The following CEP128 variants were observed in gnomAD, a reference collection of about 807,000 sequenced individuals.
The protein encoded by CEP128 is centrosomal protein 128kDa.
In CEP128, 132 loss-of-function variants were observed where a neutral mutation model predicts 156.7. That is an observed-to-expected ratio of 0.84 (90% confidence interval 0.73 to 0.97). The LOEUF is 0.97. Ranked by LOEUF, CEP128 falls within the 50% of genes least tolerant of loss-of-function variation. The pLI, the probability that CEP128 is intolerant of heterozygous loss-of-function variation, is 0.00. For synonymous variants in CEP128, 469 were observed against 448.9 expected, an observed-to-expected ratio of 1.04 and a Z score of -0.57; for missense variants, 1,252 against 1,281.9, an observed-to-expected ratio of 0.98 and a Z score of 0.36.
chr14:80,778,894 C>T (rs1288512616), intron 15 of CEP128, among the ~76,000 whole-genome samples: 1 of 152,144 alleles, frequency 6.6e-6, no homozygotes, highest in Non-Finnish European at 1.5e-5. Flanking sequence ...TCGTAACAAC[C>T]TGTGAGAATC....
intron 19 of CEP128, among the ~76,000 whole-genome samples, chr14:80,635,426 T>A (rs1254229583): frequency 6.6e-6 from 1 of 152,072 alleles, no homozygotes; most frequent in African/African-American, 2.4e-5. Context: ...AACCCCCAAA[T>A]AAACAAAAAA....
intron 16 of CEP128, among the ~76,000 whole-genome samples, chr14:80,775,164 T>A (rs1032537309): frequency 6.6e-6 from 1 of 152,158 alleles, no homozygotes; most frequent in Non-Finnish European, 1.5e-5. Context: ...TCACACTTAA[T>A]CCTAATAAAG....
chr14:80,549,634 T>C (rs979489739), intron 21 of CEP128, among the ~76,000 whole-genome samples: 1 of 152,150 alleles, frequency 6.6e-6, no homozygotes, highest in Non-Finnish European at 1.5e-5. Flanking sequence ...TTAACAGTTA[T>C]TTGGCCAGAT....
chr14:80,549,118 T>C (rs1890108289), intron 21 of CEP128, among the ~76,000 whole-genome samples: 1 of 152,138 alleles, frequency 6.6e-6, no homozygotes, highest in Admixed American at 6.5e-5. Context: ...GCTGTGTATT[T>C]TGGGACAAGG....
intron 17 of CEP128, among the ~76,000 whole-genome samples, chr14:80,759,789 G>T (rs1174963779): frequency 6.6e-6 from 1 of 152,020 alleles, no homozygotes; most frequent in East Asian, 1.9e-4. Flanking sequence ...AGGATAATTT[G>T]TGACTCATAA....
At chr14:80,655,150 A>C (rs1895075104) in intron 19 of CEP128, among the ~76,000 whole-genome samples, 1 of 152,184 alleles carries the variant, frequency 6.6e-6, no homozygotes, top group Non-Finnish European at 1.5e-5. Flanking sequence ...TTTCATATCT[A>C]GACTCTGACT....
At chr14:80,795,112 GGATAGTCTGCTTCTA>G (rs370085219) in intron 13 of CEP128, among the ~76,000 whole-genome samples, 87 of 152,294 alleles carry the variant, frequency 5.7e-4, no homozygotes, top group African/African-American at 1.9e-3. Flanking sequence ...ATTTGGACCT[GGATAGTCTGCTTCTA>G]GAGCCCATGT....
chr14:80,599,366 A>G (rs1892484281), intron 19 of CEP128, among the ~76,000 whole-genome samples: 2 of 139,442 alleles, frequency 1.4e-5, no homozygotes, highest in South Asian at 4.5e-4. Flanking sequence ...TCTGCCTCCC[A>G]GGTTCACGCC....
chr14:80,929,368 G>A (rs907264645), intron 2 of CEP128, among the ~76,000 whole-genome samples: 1 of 152,108 alleles, frequency 6.6e-6, no homozygotes, highest in African/African-American at 2.4e-5. Flanking sequence ...CCACTACAGG[G>A]TATCTACCCA....
chr14:80,955,342 C>A (rs1207523494), intron 2 of CEP128: 2 of 442,148 alleles, frequency 4.5e-6, no homozygotes, highest in African/African-American at 2.3e-5. Context: ...ATGGGAGGGG[C>A]GCCCGGGGTG....
At chr14:80,798,725 T>C (rs557590287) in intron 13 of CEP128, among the ~76,000 whole-genome samples, 2 of 152,348 alleles carry the variant, frequency 1.3e-5, no homozygotes, top group South Asian at 4.1e-4. Flanking sequence ...TTTAAAACAT[T>C]TTCCATGAGG....
rs1168456217 is a variant in CEP128 at position 80,497,390 on chromosome 14, G to A, written c.*89C>T. On this transcript the variant is annotated 3_prime_UTR_variant, in exon 25 of 25. Coordinates refer to ENST00000555265, the MANE Select transcript of CEP128 (RefSeq NM_152446.5). ...AAGAGCCAAAGCTGCAGGTATGTCT[G>A]TTAGATAATCTGGGCCAAATTGCTG... The A allele has an allele frequency of 7.2e-6, 6 of 835,734 alleles. No individual in the cohort carries two copies. Among genetic ancestry groups the A allele is most frequent in the Non-Finnish European group, 9.7e-6 (5 of 515,856 alleles). 51.8% of individuals were successfully genotyped at this position (835,734 alleles called of 1,614,324 possible).
intron 19 of CEP128, among the ~76,000 whole-genome samples, chr14:80,701,664 G>C (rs1370546109): frequency 2.6e-5 from 4 of 152,154 alleles, no homozygotes; most frequent in African/African-American, 9.6e-5. Flanking sequence ...CCAACGTTTA[G>C]TTCACTTTTT....
chr14:80,721,960 G>A (rs943287840), intron 19 of CEP128, among the ~76,000 whole-genome samples: 4 of 152,264 alleles, frequency 2.6e-5, no homozygotes, highest in African/African-American at 9.6e-5. Flanking sequence ...TGCTAGTCAT[G>A]GAACACATAT....
At chr14:80,708,657 T>G (rs1897302558) in intron 19 of CEP128, among the ~76,000 whole-genome samples, 1 of 152,194 alleles carries the variant, frequency 6.6e-6, no homozygotes. Flanking sequence ...AAAACTGCTA[T>G]GCAATCAAAT....
At chr14:80,880,575 A>T (rs1888483962) in intron 8 of CEP128, among the ~76,000 whole-genome samples, 1 of 152,020 alleles carries the variant, frequency 6.6e-6, no homozygotes, top group Non-Finnish European at 1.5e-5. Flanking sequence ...AACCCCAAAG[A>T]TTCCACACAA....
intron 19 of CEP128, among the ~76,000 whole-genome samples, chr14:80,739,691 T>A (rs1898708748): frequency 6.6e-6 from 1 of 152,090 alleles, no homozygotes; most frequent in Admixed American, 6.6e-5. Flanking sequence ...CACTAGAGAG[T>A]TAAATCATAG....
intron 13 of CEP128, among the ~76,000 whole-genome samples, chr14:80,815,611 G>A (rs945643913): frequency 1.3e-5 from 2 of 152,180 alleles, no homozygotes; most frequent in African/African-American, 2.4e-5. Flanking sequence ...AAAGACACCT[G>A]CACTTGTATG....
intron 19 of CEP128, among the ~76,000 whole-genome samples, chr14:80,694,915 AT>A: frequency 6.6e-6 from 1 of 150,738 alleles, no homozygotes; most frequent in Non-Finnish European, 1.5e-5. Context: ...TCAAAGTAAA[AT>A]TAAAAAAAAA....
Sources: gnomAD v4.1 joint callset for allele counts (sites outside exome capture counted in the v4.1 genomes callset) on GRCh38, gnomAD v4.1.1 for gene constraint, MANE v1.5 for transcripts, NCBI Gene and HGNC (gene_info 2026-07-23, HGNC 2026-07-21) for gene names.